Variants in DNAH9 observed in about 807,000 individuals in gnomAD.
The protein encoded by DNAH9 is dynein axonemal heavy chain 9.
A neutral mutation model predicts 471.6 loss-of-function variants in DNAH9; 345 were observed. That is an observed-to-expected ratio of 0.73 (90% CI 0.67 to 0.80). The LOEUF (loss-of-function observed/expected upper bound fraction) is 0.80, where lower values mean the gene tolerates loss of function less well. Ranked by LOEUF, DNAH9 falls within the 30% of genes least tolerant of loss-of-function variation. The pLI is 0.00. For missense variants in DNAH9, 5,407 were observed against 5,609.2 expected (o/e 0.96, Z 1.15); for synonymous variants, 2,093 against 2,123.6 (o/e 0.99, Z 0.40).
intron 28 of DNAH9, among the ~76,000 whole-genome samples, chr17:11,729,443 G>A (rs959993556): frequency 1.7e-4 from 26 of 152,196 alleles, no homozygotes; most frequent in Admixed American, 3.9e-4. Flanking sequence ...AGTGTGTGCC[G>A]CACACCATAT....
Position 11,690,137 on chromosome 17 carries a change from G to T in DNAH9, c.4315G>T (p.Glu1439Ter). The change falls in exon 20 of 69, where the codon GAG (glutamate) becomes TAG (stop). Residue 1439 changes from glutamate (E) to a stop codon, truncating the protein, a stop_gained. Coordinates refer to ENST00000262442, the MANE Select transcript of DNAH9 (RefSeq NM_001372.4). LOFTEE classifies it high-confidence loss of function. Reference sequence around the variant, plus strand: ...GATGGGTATGGAGAAAACCTTAAAGGAGCTGCAGACTACCTGGGCTGGCAT... The same window carrying T: ...GATGGGTATGGAGAAAACCTTAAAGTAGCTGCAGACTACCTGGGCTGGCAT... ...KEMGMEKTLK[E>*]LQTTWAGMEF... 6.2e-7 allele frequency: 1 copy of T among 1,614,208 alleles called. No individual in the cohort carries two copies. Among genetic ancestry groups the T allele is most frequent in the Non-Finnish European group, 8.5e-7 (1 of 1,180,044 alleles).
Position 11,744,793 on chromosome 17 carries a change from A to G in DNAH9, c.6112-4A>G. 1.2e-6 allele frequency: 2 copies of G among 1,609,148 alleles called. No individual in the cohort carries two copies. Among genetic ancestry groups the G allele is most frequent in the Non-Finnish European group, 1.7e-6 (2 of 1,176,734 alleles). ...CTGTCACTTTGATCTAACACTGCCC[A>G]CAGGATCACTACGACTGGGGCCTAC... On this transcript the variant is annotated splice_polypyrimidine_tract_variant and splice_region_variant and intron_variant, in intron 30 of 68. Coordinates refer to ENST00000262442, the MANE Select transcript of DNAH9 (RefSeq NM_001372.4).
Position 11,664,716 on chromosome 17 carries a change from C to G in DNAH9, c.2596-117C>G, listed in dbSNP as rs993549359. ...AGTGGATTCGATACATGTGTAATAGCAAATTCTCCACAAGAGAGTTTTTTT... is the reference window on the plus strand; with the variant it reads ...AGTGGATTCGATACATGTGTAATAGGAAATTCTCCACAAGAGAGTTTTTTT... On this transcript the variant is annotated intron_variant, in intron 14 of 68. Transcript: ENST00000262442. The G allele has an allele frequency of 1.2e-4, 100 of 837,878 alleles. 1 individual carries two copies. The South Asian group carries it at 1.4e-3, about 12-fold the overall frequency. 51.9% of individuals were successfully genotyped at this position (837,878 alleles called of 1,614,324 possible).
intron 45 of DNAH9, among the ~76,000 whole-genome samples, chr17:11,815,205 T>TC (rs1457834002): frequency 1.3e-5 from 2 of 151,456 alleles, no homozygotes; most frequent in Non-Finnish European, 3.0e-5. Context: ...AACTGTTTTT[T>TC]TTTTTCTTGT....
intron 52 of DNAH9, among the ~76,000 whole-genome samples, chr17:11,872,845 G>A (rs898858513): frequency 3.9e-5 from 6 of 152,182 alleles, no homozygotes; most frequent in Non-Finnish European, 5.9e-5. Flanking sequence ...GCGTGAACCC[G>A]GGAGGCGAAG....
At position 11,784,529 on chromosome 17, in the gene DNAH9, A is replaced by G; in HGVS notation, c.8051A>G (p.Asn2684Ser). ...ATCTTCAACCTCAGAGATTTTGCCAACATTTTCCAGGTGAGTTCATCGGCT... is the reference window on the plus strand; with the variant it reads ...ATCTTCAACCTCAGAGATTTTGCCAGCATTTTCCAGGTGAGTTCATCGGCT... ...HYIFNLRDFANIFQGILFSSV... is the reference protein window; with the variant it reads ...HYIFNLRDFASIFQGILFSSV... Residue 2684 changes from asparagine (N) to serine (S), a missense_variant, in exon 41 of 69, where the codon AAC (asparagine) becomes AGC (serine). Transcript: ENST00000262442. The G allele has an allele frequency of 1.9e-6, 3 of 1,614,106 alleles. No individual in the cohort carries two copies. The highest frequency in any genetic ancestry group is 1.1e-5 in the South Asian group (1 of 91,070).
intron 11 of DNAH9, among the ~76,000 whole-genome samples, 158 bp from the exon 12 acceptor site, chr17:11,646,914 A>C (rs148880144): frequency 4.5e-4 from 69 of 152,254 alleles, no homozygotes; most frequent in African/African-American, 1.6e-3. Context: ...ACTCTGTCTC[A>C]AAAAGAAAGA....
intron 49 of DNAH9, among the ~76,000 whole-genome samples, chr17:11,843,861 GTGTATATATATATA>G (rs1971115338): frequency 1.8e-5 from 1 of 54,188 alleles, no homozygotes; most frequent in Non-Finnish European, 3.2e-5. Flanking sequence ...GTGTGTGTGT[GTGTATATATATATA>G]TATATATATA....
chr17:11,768,382 C>A, intron 36 of DNAH9, 71 bp from the exon 37 acceptor site: 1 of 1,484,566 alleles, frequency 6.7e-7, no homozygotes, highest in East Asian at 2.3e-5. Context: ...TTCTATCTGA[C>A]GCCGTGGCCT....
rs748510441 is a variant in DNAH9, at chr17:11,679,904, G to A, written c.3501G>A (p.Glu1167=). 2 of 1,614,080 alleles carry A rather than the reference G, an allele frequency of 1.2e-6. No homozygotes were observed. The highest frequency in any genetic ancestry group is 1.3e-5 in the African/African-American group (1 of 75,024). ...ERQSNTDEMF[E]PLKQTIELLK... is the part of the protein sequence containing the mutation. ...AGAGTAACACTGATGAGATGTTTGA[G>A]CCCTTAAAGCAGACTATTGAATTGC... The change falls in exon 18 of 69, where the codon GAG becomes GAA. Residue 1167 remains glutamate (E), a synonymous_variant. Transcript: ENST00000262442.
intron 29 of DNAH9, 45 bp from the exon 30 acceptor site, chr17:11,742,130 C>A (rs1381495646): frequency 1.2e-6 from 2 of 1,600,604 alleles, no homozygotes; most frequent in East Asian, 2.2e-5. Flanking sequence ...CTCTTCAACA[C>A]TGTACTTGGG....
chr17:11,646,537 C>A (rs1203886650), intron 11 of DNAH9, among the ~76,000 whole-genome samples: 2 of 152,188 alleles, frequency 1.3e-5, no homozygotes, highest in Non-Finnish European at 2.9e-5. Context: ...TTTACTGAGA[C>A]TAATCACAAC....
intron 17 of DNAH9, among the ~76,000 whole-genome samples, chr17:11,673,601 G>GTTTTTTTTTTTTTTT (rs59481227): frequency 2.3e-5 from 3 of 131,014 alleles, no homozygotes; most frequent in African/African-American, 5.6e-5. Context: ...GTTTATATTT[G>GTTTTTTTTTTTTTTT]TTTTTTTTTT....
At position 11,698,978 on chromosome 17, in the gene DNAH9, T is replaced by C. The variant is rs563523716; in HGVS notation, c.4873-753T>C. Among the ~76,000 whole-genome samples, 41 of 152,106 alleles carry C rather than the reference T, an allele frequency of 2.7e-4. No individual in the cohort carries two copies. The South Asian group carries it at 4.1e-3, about 15-fold the overall frequency. ...AGAATGGGGTGGCTATGGCCGGGTG[T>C]GGTGGCTCACACCTGTAATCCCAGC... is the stretch of plus-strand genomic sequence containing the variant. On this transcript the variant is annotated intron_variant, in intron 22 of 68. Transcript: ENST00000262442.
At chr17:11,616,121 T>C (rs2072737229) in intron 4 of DNAH9, among the ~76,000 whole-genome samples, 3 of 152,174 alleles carry the variant, frequency 2.0e-5, no homozygotes, top group African/African-American at 7.2e-5. Flanking sequence ...GTCGTCTTCC[T>C]TTTCCTTAGC....
chr17:11,907,811 C>T (rs983683231), intron 61 of DNAH9, among the ~76,000 whole-genome samples: 5 of 152,160 alleles, frequency 3.3e-5, no homozygotes, highest in African/African-American at 9.7e-5. Flanking sequence ...AGCACCAGCC[C>T]TCCAGATACG....
In DNAH9 at chr17:11,690,436, G is replaced by A; in HGVS notation, c.4614G>A (p.Gln1538=). The A allele has an allele frequency of 6.2e-7, 1 of 1,611,830 alleles. No homozygotes were observed. Among genetic ancestry groups the A allele is most frequent in the Non-Finnish European group, 8.5e-7 (1 of 1,178,390 alleles). ...GSEDIRAQLP[Q]DSKRFEGIDI... ...AAGATATTCGGGCACAGCTACCCCA[G>A]GTACCTGCTAAGGAAATCTAGAATC... Residue 1538 remains glutamine, a splice_region_variant and synonymous_variant, in exon 20 of 69, where the codon CAG becomes CAA. Coordinates refer to ENST00000262442, the MANE Select transcript of DNAH9 (RefSeq NM_001372.4).
At chr17:11,780,071 T>C (rs186001026) in intron 38 of DNAH9, among the ~76,000 whole-genome samples, 9 of 152,208 alleles carry the variant, frequency 5.9e-5, no homozygotes, top group Non-Finnish European at 1.3e-4. Context: ...CTGGAAAAAG[T>C]ACAGATATCT....
At chr17:11,638,611 T>C in intron 9 of DNAH9, among the ~76,000 whole-genome samples, 1 of 152,106 alleles carries the variant, frequency 6.6e-6, no homozygotes, top group African/African-American at 2.4e-5. Flanking sequence ...GATCTCGAAC[T>C]CTCGACCTTA....
Sources: gnomAD v4.1 joint callset for allele counts (sites outside exome capture counted in the v4.1 genomes callset) on GRCh38, gnomAD v4.1.1 for gene constraint, MANE v1.5 for transcripts, NCBI Gene and HGNC (gene_info 2026-07-23, HGNC 2026-07-21) for gene names.